RAPGEF6: variants seen among roughly 807,000 people sequenced by gnomAD.
The protein encoded by RAPGEF6 is PDZ domain containing guanine nucleotide exchange factor (GEF) 2.
RAPGEF6 carries 56 observed loss-of-function variants against 171.4 expected under a neutral mutation model. That is an observed-to-expected ratio of 0.33 (90% confidence interval 0.26 to 0.41). The LOEUF is 0.41. Among genes scored for constraint, RAPGEF6 ranks in the 10% least tolerant of loss-of-function variants. The pLI is 1.00. For missense variants in RAPGEF6, 1,674 were observed against 1,921.4 expected (o/e 0.87, Z 2.41); for synonymous variants, 692 against 650.1 (o/e 1.06, Z -0.98).
chr5:131,605,886 C>CG (rs778478539), intron 1 of RAPGEF6, among the ~76,000 whole-genome samples: 23 of 151,734 alleles, frequency 1.5e-4, no homozygotes, highest in Middle Eastern at 3.4e-3. Flanking sequence ...AAAAATTAGC[C>CG]GGGTATGGTG....
In RAPGEF6 at chr5:131,431,072, A is replaced by G; in HGVS notation, c.4252T>C (p.Ser1418Pro). The part of the protein sequence containing the change: ...SEPYSCSKSC[S>P]RTCGQCKGSL... The stretch of plus-strand genomic sequence containing the variant: ...CCTTTACACTGCCCACAAGTTCTAG[A>G]GCAGCTTTTAGAACAGGAATAGGGC... Residue 1418 changes from serine to proline, a missense_variant, in exon 26 of 28, where the codon TCT (serine) becomes CCT (proline). Physicochemically the swap from Ser to Pro is moderately conservative, Grantham distance 74 (BLOSUM62 -1). This residue lies in a region of RAPGEF6 where 552 missense variants were observed against 574.2 expected (regional missense o/e 0.96). Transcript: ENST00000509018. The G allele has an allele frequency of 1.2e-6, 2 of 1,614,154 alleles. No individual in the cohort carries two copies. Among genetic ancestry groups the G allele is most frequent in the Non-Finnish European group, 1.7e-6 (2 of 1,180,022 alleles).
intron 8 of RAPGEF6, 26 bp from the exon 9 acceptor site, chr5:131,508,233 TA>T: frequency 6.3e-7 from 1 of 1,595,262 alleles, no homozygotes. Context: ...AATTCTGGTA[TA>T]AAGACCATCG....
chr5:131,457,170 T>C (rs557168565), intron 19 of RAPGEF6, among the ~76,000 whole-genome samples: 23 of 152,364 alleles, frequency 1.5e-4, no homozygotes, highest in African/African-American at 5.5e-4. Flanking sequence ...CAAGTGATTC[T>C]TGTGCATCAA....
chr5:131,596,261 G>A (rs1430495146), intron 3 of RAPGEF6, among the ~76,000 whole-genome samples: 1 of 149,420 alleles, frequency 6.7e-6, no homozygotes, highest in East Asian at 1.9e-4. Context: ...ACTGTAAAAA[G>A]AGACAGAAAA....
At chr5:131,616,604 T>C (rs1407579660) in intron 1 of RAPGEF6, among the ~76,000 whole-genome samples, 1 of 152,196 alleles carries the variant, frequency 6.6e-6, no homozygotes, top group Non-Finnish European at 1.5e-5. Context: ...CAAGTGAATT[T>C]CTTACCTATG....
At chr5:131,506,907 A>T (rs1757404926) in intron 9 of RAPGEF6, among the ~76,000 whole-genome samples, 1 of 151,816 alleles carries the variant, frequency 6.6e-6, no homozygotes, top group South Asian at 2.1e-4. Flanking sequence ...GTTTAAAAAA[A>T]TTAATACTAT....
At chr5:131,587,233 T>C (rs150467017) in intron 4 of RAPGEF6, among the ~76,000 whole-genome samples, 235 of 152,280 alleles carry the variant, frequency 1.5e-3, no homozygotes, top group African/African-American at 5.3e-3. Context: ...GAGCCAACAA[T>C]TCCTTGTTAA....
At chr5:131,545,769 C>G (rs886313324) in intron 6 of RAPGEF6, among the ~76,000 whole-genome samples, 2 of 152,158 alleles carry the variant, frequency 1.3e-5, no homozygotes, top group Non-Finnish European at 2.9e-5. Context: ...GCACATGTAC[C>G]TAACATGACC....
intron 24 of RAPGEF6, among the ~76,000 whole-genome samples, chr5:131,433,969 T>C (rs1284695835): frequency 6.6e-6 from 1 of 152,190 alleles, no homozygotes; most frequent in African/African-American, 2.4e-5. Flanking sequence ...GCTATAATCA[T>C]TTAATAAAAT....
chr5:131,479,878 T>A, intron 15 of RAPGEF6, 125 bp from the exon 16 acceptor site: 3 of 973,134 alleles, frequency 3.1e-6, no homozygotes, highest in Non-Finnish European at 4.5e-6. Context: ...CTCATTCAAC[T>A]AAACACTGTC....
chr5:131,505,651 A>C lies in RAPGEF6; in HGVS notation c.943-129T>G, dbSNP rs1757327491. 3.5e-5 allele frequency: 25 copies of C among 723,914 alleles called. No individual in the cohort carries two copies. The South Asian group carries it at 4.9e-4, about 14-fold the overall frequency. 44.8% of individuals were successfully genotyped at this position (723,914 alleles called of 1,614,324 possible). A position where few individuals can be genotyped will look rare whatever the true frequency, so the allele number is the denominator to read the frequency against. On this transcript the variant is annotated intron_variant, in intron 9 of 27. Transcript: ENST00000509018. ...AAAGGAGGATCTGGTTATATTACCA[A>C]ACACTCTGTAACACCCTATGCTTTG... is the stretch of plus-strand genomic sequence containing the variant.
chr5:131,633,850 T>C (rs771880372), intron 1 of RAPGEF6, among the ~76,000 whole-genome samples: 2 of 152,238 alleles, frequency 1.3e-5, no homozygotes, highest in Non-Finnish European at 2.9e-5. Flanking sequence ...CTGAAATTCA[T>C]AAATCAGCTC....
At chr5:131,498,338 G>T in intron 12 of RAPGEF6, 105 bp downstream of exon 12, 1 of 1,032,308 alleles carries the variant, frequency 9.7e-7, no homozygotes, top group Non-Finnish European at 1.4e-6. Context: ...TTTTTTAGGT[G>T]TACTGAATCT....
At chr5:131,533,319 TTAATTC>T (rs1759536154) in intron 6 of RAPGEF6, among the ~76,000 whole-genome samples, 1 of 152,104 alleles carries the variant, frequency 6.6e-6, no homozygotes, top group Admixed American at 6.6e-5. Flanking sequence ...ATTTTGATTT[TTAATTC>T]TGTACATTGA....
chr5:131,565,779 A>AT (rs1761892775), intron 4 of RAPGEF6, among the ~76,000 whole-genome samples: 1 of 152,236 alleles, frequency 6.6e-6, no homozygotes, highest in African/African-American at 2.4e-5. Flanking sequence ...AAACAACCAG[A>AT]TATCAATACA....
intron 1 of RAPGEF6, among the ~76,000 whole-genome samples, chr5:131,613,227 G>C (rs760436044): frequency 1.1e-4 from 16 of 152,094 alleles, no homozygotes; most frequent in Admixed American, 2.6e-4. Context: ...TGTCTAACAC[G>C]GTGAAACCCC....
chr5:131,600,939 C>T (rs1764204466), intron 3 of RAPGEF6, among the ~76,000 whole-genome samples: 1 of 151,984 alleles, frequency 6.6e-6, no homozygotes. Context: ...AAAGGAATTA[C>T]TCTTTCTCAA....
At chr5:131,430,738 G>C (rs751623701) in intron 26 of RAPGEF6, 121 bp downstream of exon 26, 45 of 1,338,070 alleles carry the variant, frequency 3.4e-5, no homozygotes, top group Non-Finnish European at 2.1e-6. Flanking sequence ...TGTTTGTGAA[G>C]GAAAGAAAGG....
intron 24 of RAPGEF6, chr5:131,436,295 G>C: frequency 6.5e-7 from 1 of 1,537,470 alleles, no homozygotes; most frequent in Non-Finnish European, 8.7e-7. Flanking sequence ...GTAATCTGAA[G>C]GATTTTCTTT....
Sources: gnomAD v4.1 joint callset for allele counts (sites outside exome capture counted in the v4.1 genomes callset) on GRCh38, gnomAD v4.1.1 for gene constraint, gnomAD v4.1.1 regional missense constraint, MANE v1.5 for transcripts, NCBI Gene and HGNC (gene_info 2026-07-23, HGNC 2026-07-21) for gene names.